Variants in EDA2R observed in about 807,000 individuals in gnomAD.
The protein encoded by EDA2R is tumor necrosis factor receptor superfamily member 27.
In EDA2R, 26 loss-of-function variants were observed where a neutral mutation model predicts 20.1. That is an observed-to-expected ratio of 1.30 (90% CI 0.95 to 1.80). The LOEUF is 1.80. Among genes scored for constraint, EDA2R ranks in the 40% most tolerant of loss-of-function variants. The probability of loss-of-function intolerance (pLI) is 0.00; values close to 1 mark genes in which losing one functional copy is unlikely to be tolerated. For missense variants in EDA2R, 277 were observed against 228.7 expected, an observed-to-expected ratio of 1.21 and a Z score of -1.36; for synonymous variants, 114 against 88.7, an observed-to-expected ratio of 1.29 and a Z score of -1.60.
intron 1 of EDA2R, among the ~76,000 whole-genome samples, chrX:66,616,492 A>G (rs1931720888): frequency 8.9e-6 from 1 of 112,490 alleles, no homozygotes; most frequent in African/African-American, 3.2e-5. Context: ...TTTGATCTAC[A>G]CAACATCCAT....
At chrX:66,598,567 C>T (rs181632532) in intron 6 of EDA2R, among the ~76,000 whole-genome samples, 1 of 111,889 alleles carries the variant, frequency 8.9e-6, no homozygotes, top group African/African-American at 3.3e-5. Flanking sequence ...TACACAAACT[C>T]TTAGTGGGGA....
Position 66,598,102 on chromosome X carries a change from A to T in EDA2R, c.*11-9T>A, listed in dbSNP as rs754985466. On this transcript the variant is annotated splice_polypyrimidine_tract_variant and intron_variant, in intron 6 of 6. Transcript: ENST00000374719. Reference sequence around the variant, plus strand: ...CCAGGGGCCCAAGAGACCTAAGGAGAGAGCAAACCAAGTTAGAAACATGTG... The same window carrying T: ...CCAGGGGCCCAAGAGACCTAAGGAGTGAGCAAACCAAGTTAGAAACATGTG... 4.2e-5 allele frequency: 37 copies of T among 879,001 alleles called. No homozygotes were observed. In the South Asian group the frequency reaches 7.4e-4, roughly 18 times the overall value. 72.4% of individuals were successfully genotyped at this position (879,001 alleles called of 1,213,427 possible).
At chrX:66,632,434 A>AAGG (rs111434768) in intron 1 of EDA2R, among the ~76,000 whole-genome samples, 6,803 of 103,930 alleles carry the variant, frequency 0.065, 579 homozygotes, top group African/African-American at 0.22. Flanking sequence ...GAAGAAGAAG[A>AAGG]AGCAGGAGGA....
At chrX:66,598,460 T>C (rs144833755) in intron 6 of EDA2R, among the ~76,000 whole-genome samples, 149 of 111,515 alleles carry the variant, frequency 1.3e-3, no homozygotes, top group African/African-American at 4.7e-3. Flanking sequence ...AGCTCTTTCT[T>C]ACATTGAGCT....
chrX:66,633,902 T>C (rs1185609017), intron 1 of EDA2R, among the ~76,000 whole-genome samples: 1 of 111,808 alleles, frequency 8.9e-6, no homozygotes, highest in Admixed American at 9.5e-5. Context: ...CTCCAATTTC[T>C]GATTTCTATT....
intron 1 of EDA2R, among the ~76,000 whole-genome samples, chrX:66,628,332 C>T (rs1403504185): frequency 4.6e-5 from 5 of 109,792 alleles, no homozygotes; most frequent in African/African-American, 1.7e-4. Context: ...TAACCAAGAT[C>T]AGAGCAGAAC....
chrX:66,633,895 C>T (rs1934082202), intron 1 of EDA2R, among the ~76,000 whole-genome samples: 1 of 111,630 alleles, frequency 9.0e-6, no homozygotes, highest in African/African-American at 3.3e-5. Context: ...TCAAGTACTC[C>T]AATTTCTGAT....
At chrX:66,618,570 G>A (rs1932097571) in intron 1 of EDA2R, among the ~76,000 whole-genome samples, 1 of 112,286 alleles carries the variant, frequency 8.9e-6, no homozygotes, top group Admixed American at 9.4e-5. Context: ...TGGCTAAGTT[G>A]GCAATATATA....
At chrX:66,617,803 G>A (rs1291539800) in intron 1 of EDA2R, among the ~76,000 whole-genome samples, 2 of 110,201 alleles carry the variant, frequency 1.8e-5, no homozygotes, top group Non-Finnish European at 3.8e-5. Context: ...AAATTGAGCA[G>A]AGGGACTTTC....
At chrX:66,604,979 G>A (rs927298548) in intron 3 of EDA2R, 69 bp downstream of exon 3, 1 of 936,110 alleles carries the variant, frequency 1.1e-6, no homozygotes, top group East Asian at 3.3e-5. Flanking sequence ...GTTCTGAGAG[G>A]TGAGGATGGG....
rs1420468772 is a variant in EDA2R, at chrX:66,598,103, G to C, written c.*11-10C>G. ...CAGGGGCCCAAGAGACCTAAGGAGAGAGCAAACCAAGTTAGAAACATGTGG... is the reference window on the plus strand; with the variant it reads ...CAGGGGCCCAAGAGACCTAAGGAGACAGCAAACCAAGTTAGAAACATGTGG... On this transcript the variant is annotated splice_polypyrimidine_tract_variant and intron_variant, in intron 6 of 6. Coordinates refer to ENST00000374719, the MANE Select transcript of EDA2R (RefSeq NM_021783.5). The C allele has an allele frequency of 2.3e-6, 2 of 879,630 alleles. No individual in the cohort carries two copies. Among genetic ancestry groups the C allele is most frequent in the African/African-American group, 2.1e-5 (1 of 48,305 alleles). The allele number at this position is 879,630 out of a possible 1,213,427, so 72.5% of individuals were successfully genotyped here.
chrX:66,599,523 C>T lies in EDA2R; in HGVS notation c.855G>A (p.Arg285=), dbSNP rs767975846. The change falls in exon 6 of 7, where the codon AGG becomes AGA. Residue 285 remains arginine, a synonymous_variant. Transcript: ENST00000374719. ...GGNTVESTGD[R]LELNVPFEVP... Reference sequence around the variant, plus strand: ...CTTCAAAGGGCACATTGAGCTCCAGCCTGTCTCCAGTGCTTTCGACTGTGT... The same window carrying T: ...CTTCAAAGGGCACATTGAGCTCCAGTCTGTCTCCAGTGCTTTCGACTGTGT... 2 of 1,179,071 alleles carry T rather than the reference C, an allele frequency of 1.7e-6. No individual in the cohort carries two copies. The highest frequency in any genetic ancestry group is 3.8e-5 in the South Asian group (2 of 53,009).
intron 2 of EDA2R, among the ~76,000 whole-genome samples, chrX:66,614,175 C>A (rs1451630649): frequency 1.8e-5 from 2 of 111,342 alleles, no homozygotes; most frequent in African/African-American, 3.3e-5. Context: ...TTGACCTTGC[C>A]CCTGATTCCT....
intron 1 of EDA2R, among the ~76,000 whole-genome samples, chrX:66,633,457 A>T (rs781570878): frequency 2.2e-4 from 25 of 111,847 alleles, no homozygotes; most frequent in Non-Finnish European, 4.1e-4. Context: ...AAGTGGGAGC[A>T]AAAGCACAGA....
chrX:66,601,136 C>A (rs889406917), intron 5 of EDA2R, among the ~76,000 whole-genome samples: 3 of 112,053 alleles, frequency 2.7e-5, no homozygotes, highest in African/African-American at 9.7e-5. Flanking sequence ...AAACTGCCTG[C>A]CCTCATATTC....
intron 1 of EDA2R, among the ~76,000 whole-genome samples, chrX:66,626,830 G>A (rs1460779826): frequency 1.3e-5 from 1 of 77,248 alleles, no homozygotes; most frequent in Non-Finnish European, 2.5e-5. Context: ...CAGGGGACAG[G>A]AGGAGAGGAG....
intron 2 of EDA2R, among the ~76,000 whole-genome samples, chrX:66,608,833 C>T (rs1000530527): frequency 9.0e-6 from 1 of 111,155 alleles, no homozygotes; most frequent in South Asian, 3.8e-4. Flanking sequence ...AGAGTAGAGG[C>T]TATCAGGCAC....
intron 1 of EDA2R, among the ~76,000 whole-genome samples, chrX:66,621,053 G>T (rs923545226): frequency 7.3e-5 from 8 of 109,959 alleles, no homozygotes; most frequent in African/African-American, 2.6e-4. Context: ...GAGGCAGGTG[G>T]ATCACCTGAG....
chrX:66,612,882 G>A (rs1931024029), intron 2 of EDA2R, among the ~76,000 whole-genome samples: 1 of 110,779 alleles, frequency 9.0e-6, no homozygotes, highest in Non-Finnish European at 1.9e-5. Flanking sequence ...TCATAATTAG[G>A]AGGCAAAGGA....
Sources: gnomAD v4.1 joint callset for allele counts (sites outside exome capture counted in the v4.1 genomes callset) on GRCh38, gnomAD v4.1.1 for gene constraint, MANE v1.5 for transcripts, NCBI Gene and HGNC (gene_info 2026-07-23, HGNC 2026-07-21) for gene names.